Variants in CCDC3 observed in about 807,000 individuals in gnomAD.
CCDC3 encodes coiled-coil domain-containing protein 3.
CCDC3 carries 24 observed loss-of-function variants against 21.4 expected under a neutral mutation model. The observed-to-expected ratio is 1.12, with a 90% confidence interval of 0.81 to 1.58. CCDC3 has a LOEUF of 1.58. CCDC3 is among the 40% of genes most tolerant of loss of function. CCDC3 has a pLI of 0.00. For synonymous variants in CCDC3, 186 were observed against 166.0 expected (o/e 1.12, Z -0.93); for missense variants, 425 against 360.9 (o/e 1.18, Z -1.44).
chr10:13,081,159 A>G (rs1837035091), intron 3 of CCDC3, among the ~76,000 whole-genome samples: 1 of 125,080 alleles, frequency 8.0e-6, no homozygotes, highest in Non-Finnish European at 1.9e-5. Flanking sequence ...TAGGAACTAT[A>G]AAGTAAAAAA....
intron 5 of CCDC3, among the ~76,000 whole-genome samples, chr10:13,018,440 G>A (rs1456106495): frequency 1.3e-5 from 2 of 152,132 alleles, no homozygotes; most frequent in Non-Finnish European, 2.9e-5. Flanking sequence ...CTGGTAGAAC[G>A]AGATACATGG....
intron 2 of CCDC3, among the ~76,000 whole-genome samples, chr10:12,969,628 T>C (rs956298864): frequency 6.6e-6 from 1 of 150,702 alleles, no homozygotes; most frequent in African/African-American, 2.4e-5. Context: ...ATAAAAAAAG[T>C]TTTTTTATAT....
intron 5 of CCDC3, among the ~76,000 whole-genome samples, chr10:13,048,727 C>T (rs550567854): frequency 6.6e-6 from 1 of 152,210 alleles, no homozygotes; most frequent in East Asian, 1.9e-4. Context: ...CGCTAGCTGT[C>T]CCTGTGGGTC....
At position 13,032,726 on chromosome 10, in the gene CCDC3, C is replaced by G. The variant is rs369837647; in HGVS notation, c.-2+16948G>C. 1.9e-4 allele frequency among the ~76,000 whole-genome samples: 29 copies of G among 152,162 alleles called. 2 individuals carry two copies. In the East Asian group the frequency reaches 1.9e-3, roughly 10 times the overall value. ...ACAAACAGAGAGCCAAATCATGAGT[C>G]AACTCCCATTCACAATTGCTTCAAA... On this transcript the variant is annotated intron_variant, in intron 5 of 6. Transcript: ENST00000378839.
At chr10:13,007,450 G>T (rs532974991) in intron 5 of CCDC3, among the ~76,000 whole-genome samples, 1 of 152,220 alleles carries the variant, frequency 6.6e-6, no homozygotes, top group South Asian at 2.1e-4. Flanking sequence ...GCCAAAACTA[G>T]TATTATATTC....
chr10:13,066,069 G>A (rs1276576690), intron 4 of CCDC3, among the ~76,000 whole-genome samples: 3 of 152,096 alleles, frequency 2.0e-5, no homozygotes, highest in African/African-American at 7.2e-5. Flanking sequence ...TGAAATGATT[G>A]AGATGCAAAA....
chr10:12,911,646 C>G (rs986932954), intron 2 of CCDC3, among the ~76,000 whole-genome samples: 1 of 152,178 alleles, frequency 6.6e-6, no homozygotes, highest in African/African-American at 2.4e-5. Flanking sequence ...GATGTATCAC[C>G]TCACATACCA....
intron 2 of CCDC3, among the ~76,000 whole-genome samples, chr10:12,909,301 T>A (rs1448887959): frequency 6.6e-6 from 1 of 152,070 alleles, no homozygotes; most frequent in African/African-American, 2.4e-5. Context: ...CTCAGATGTG[T>A]GTATGCTCAG....
At chr10:13,098,774 T>C (rs552837160) in intron 2 of CCDC3, among the ~76,000 whole-genome samples, 4 of 131,736 alleles carry the variant, frequency 3.0e-5, no homozygotes, top group African/African-American at 1.1e-4. Flanking sequence ...TGGAGTGCAG[T>C]GGCATGATCT....
chr10:13,059,204 C>T (rs76547720), intron 4 of CCDC3, among the ~76,000 whole-genome samples: 10,644 of 152,088 alleles, frequency 0.07, 445 homozygotes, highest in Middle Eastern at 0.11. Context: ...TTCTCCTGTC[C>T]GGGTGACGCC....
intron 5 of CCDC3, among the ~76,000 whole-genome samples, chr10:13,019,216 A>AGAGT (rs1836113175): frequency 1.3e-5 from 2 of 152,190 alleles, no homozygotes; most frequent in Non-Finnish European, 2.9e-5. Flanking sequence ...CCTGGGTGAG[A>AGAGT]GAGTGAGACT....
chr10:12,934,304 G>C (rs1484108008), intron 2 of CCDC3, among the ~76,000 whole-genome samples: 2 of 152,176 alleles, frequency 1.3e-5, no homozygotes, highest in Non-Finnish European at 2.9e-5. Context: ...ATTGTTGTCT[G>C]AGAGCAGATA....
chr10:13,012,282 A>C (rs752279096), intron 5 of CCDC3, among the ~76,000 whole-genome samples: 2 of 152,224 alleles, frequency 1.3e-5, no homozygotes, highest in Non-Finnish European at 2.9e-5. Flanking sequence ...GAAAATATTC[A>C]CAAACTATAC....
Position 13,001,248 on chromosome 10 carries a change from GAGA to G in CCDC3, c.320_322del (p.Phe107del), listed in dbSNP as rs773592117. The G allele has an allele frequency of 1.3e-6, 2 of 1,589,524 alleles. No individual in the cohort carries two copies. Among genetic ancestry groups the G allele is most frequent in the East Asian group, 2.3e-5 (1 of 43,786 alleles). On this transcript the variant is annotated inframe_deletion, in exon 1 of 3. Transcript: ENST00000378825. ...CTGGACCACGGTGTGGGAGTGGCAC[GAGA>G]AGTAGCCCAGGCCGGTGAGGTTGAG...
rs925719960 is a variant in CCDC3 at position 13,096,177 on chromosome 10, T to TTC, written c.-503+2346_-503+2347dup. On this transcript the variant is annotated intron_variant, in intron 3 of 6. Transcript: ENST00000378839. ...CTTCCCTCCTTCTTACCTTTCTTCC[T>TTC]TCTCTCTCTCTCTCTCTTTCTTTTT... Among the ~76,000 whole-genome samples the TTC allele has an allele frequency of 2.4e-4, 15 of 62,032 alleles. 1 individual carries two copies. The East Asian group carries it at 3.7e-3, about 15-fold the overall frequency. 40.7% of individuals were successfully genotyped at this position (62,032 alleles called of 152,430 possible).
At chr10:13,098,768 G>GT (rs1832668824) in intron 2 of CCDC3, among the ~76,000 whole-genome samples, 1 of 126,596 alleles carries the variant, frequency 7.9e-6, no homozygotes, top group South Asian at 2.6e-4. Context: ...CCAGGCTGGA[G>GT]TGCAGTGGCA....
intron 5 of CCDC3, among the ~76,000 whole-genome samples, chr10:13,023,141 T>C (rs1428454400): frequency 2.6e-5 from 4 of 152,058 alleles, no homozygotes; most frequent in Non-Finnish European, 4.4e-5. Context: ...AAGGAAAGTG[T>C]AAAATAAAAG....
chr10:13,074,887 A>C (rs1836942456), intron 3 of CCDC3, among the ~76,000 whole-genome samples: 1 of 152,210 alleles, frequency 6.6e-6, no homozygotes, highest in African/African-American at 2.4e-5. Flanking sequence ...AATGGAGCAA[A>C]AGAAAGGGTC....
chr10:12,897,361 G>C lies in CCDC3; in HGVS notation c.*1055C>G, dbSNP rs989424358. 2 of 152,222 alleles carry C rather than the reference G, an allele frequency of 1.3e-5. No individual in the cohort carries two copies. The highest frequency in any genetic ancestry group is 2.9e-5 in the Non-Finnish European group (2 of 68,052). 9.4% of individuals were successfully genotyped at this position (152,222 alleles called of 1,614,324 possible). A position where few individuals can be genotyped will look rare whatever the true frequency, so the allele number is the denominator to read the frequency against. ...AAGTGCTTTGGTGGTGTAAGGAACT[G>C]ACGTAAGGACAAGTGCACTGACGTA... is the stretch of plus-strand genomic sequence containing the variant. On this transcript the variant is annotated 3_prime_UTR_variant, in exon 3 of 3. Coordinates refer to ENST00000378825, the MANE Select transcript of CCDC3 (RefSeq NM_031455.4).
Sources: gnomAD v4.1 joint callset for allele counts (sites outside exome capture counted in the v4.1 genomes callset) on GRCh38, gnomAD v4.1.1 for gene constraint, MANE v1.5 for transcripts, NCBI Gene and HGNC (gene_info 2026-07-23, HGNC 2026-07-21) for gene names.